Variants in MAPKAPK5 observed in about 807,000 individuals in gnomAD.
The protein encoded by MAPKAPK5 is MAPK activated protein kinase 5, also known as MAP kinase-activated protein kinase 5.
A neutral mutation model predicts 65.1 loss-of-function variants in MAPKAPK5; 30 were observed. That is an observed-to-expected ratio of 0.46 (90% confidence interval 0.34 to 0.63). The LOEUF is 0.63. Ranked by LOEUF, MAPKAPK5 falls within the 20% of genes least tolerant of loss-of-function variation. MAPKAPK5 has a pLI of 0.01. For missense variants in MAPKAPK5, 433 were observed against 581.4 expected, an observed-to-expected ratio of 0.74 and a Z score of 2.63; for synonymous variants, 179 against 204.6, an observed-to-expected ratio of 0.87 and a Z score of 1.07.
intron 1 of MAPKAPK5, among the ~76,000 whole-genome samples, chr12:111,855,708 T>G (rs2069211380): frequency 6.6e-6 from 1 of 151,746 alleles, no homozygotes; most frequent in African/African-American, 2.4e-5. Flanking sequence ...GCACCTGTAG[T>G]CCCAGCTACT....
chr12:111,885,919 C>G lies in MAPKAPK5; in HGVS notation c.852C>G (p.Leu284=). 6.2e-7 allele frequency: 1 copy of G among 1,613,868 alleles called. No individual in the cohort carries two copies. Among genetic ancestry groups the G allele is most frequent in the Non-Finnish European group, 8.5e-7 (1 of 1,179,866 alleles). ...SEMAKDVVRK[L]LKVKPEERLT... is the part of the protein sequence containing the mutation. ...CCTGTTGGCGTTTTCTCCACAGGCT[C>G]CTGAAGGTCAAACCGGAGGAGAGAC... Residue 284 remains leucine, a synonymous_variant, in exon 10 of 14, where the codon CTC becomes CTG. Coordinates refer to ENST00000550735, the MANE Select transcript of MAPKAPK5 (RefSeq NM_003668.4).
chr12:111,850,825 C>T (rs1005032258), intron 1 of MAPKAPK5, among the ~76,000 whole-genome samples: 8 of 151,534 alleles, frequency 5.3e-5, no homozygotes, highest in African/African-American at 1.7e-4. Flanking sequence ...TCTGAGCCTT[C>T]AAGGGAGAAG....
intron 13 of MAPKAPK5, among the ~76,000 whole-genome samples, chr12:111,890,722 A>G (rs1200361417): frequency 6.6e-6 from 1 of 152,230 alleles, no homozygotes; most frequent in Admixed American, 6.5e-5. Flanking sequence ...CAGTGGCGCA[A>G]TCTTTGCTCA....
At chr12:111,854,794 C>T (rs2069183967) in intron 1 of MAPKAPK5, among the ~76,000 whole-genome samples, 1 of 152,136 alleles carries the variant, frequency 6.6e-6, no homozygotes, top group Non-Finnish European at 1.5e-5. Context: ...TGCTGAACAT[C>T]CTAAAAGGCC....
rs1279357345 is a variant in MAPKAPK5, at chr12:111,894,981, C to T, written c.*1920C>T. ...CCACTGTGCTGAGTAATTCCTCCAC[C>T]CTGAATCTTCAGGGTGACATTTGGT... On this transcript the variant is annotated 3_prime_UTR_variant, in exon 14 of 14. Coordinates refer to ENST00000550735, the MANE Select transcript of MAPKAPK5 (RefSeq NM_003668.4). The T allele has an allele frequency of 6.6e-6, 1 of 151,970 alleles. No homozygotes were observed. Among genetic ancestry groups the T allele is most frequent in the East Asian group, 1.9e-4 (1 of 5,194 alleles). The allele number at this position is 151,970 out of a possible 1,614,324, so 9.4% of individuals were successfully genotyped here.
chr12:111,901,485 A>T lies in MAPKAPK5; in HGVS notation c.*8424A>T, dbSNP rs1258251778. The T allele has an allele frequency of 1.4e-5, 6 of 439,080 alleles. No homozygotes were observed. Among genetic ancestry groups the T allele is most frequent in the Admixed American group, 1.3e-4 (5 of 39,508 alleles). The allele number at this position is 439,080 out of a possible 1,614,324, so 27.2% of individuals were successfully genotyped here. A position where few individuals can be genotyped will look rare whatever the true frequency, so the allele number is the denominator to read the frequency against. On this transcript the variant is annotated 3_prime_UTR_variant, in exon 14 of 14. Transcript: ENST00000550735. ...AGACATGATGATATTATCATTCATT[A>T]TACTTTTTATAATATTATTATTAAG...
intron 7 of MAPKAPK5, among the ~76,000 whole-genome samples, chr12:111,876,161 T>G (rs190833130): frequency 7.1e-6 from 1 of 140,388 alleles, no homozygotes; most frequent in African/African-American, 2.7e-5. Flanking sequence ...GAACAAAGAT[T>G]GAGCCATTGC....
chr12:111,879,383 G>A (rs1593170685), intron 7 of MAPKAPK5: 1 of 145,738 alleles, frequency 6.9e-6, no homozygotes, highest in South Asian at 2.2e-4. Context: ...AGACTTTAGA[G>A]TAGGTTTTTT....
intron 10 of MAPKAPK5, chr12:111,888,165 T>A: frequency 3.8e-6 from 1 of 261,236 alleles, no homozygotes; most frequent in South Asian, 4.8e-5. Flanking sequence ...GCCTTTCCGC[T>A]GATGTCCATA....
rs572047796 is a variant in MAPKAPK5, at chr12:111,857,985, A to G, written c.37-7265A>G. ...ATGATCTCAGCTTACTGCAACCTCA[A>G]TCTCCTGGGCTCAAGCAACCCTCCT... On this transcript the variant is annotated intron_variant, in intron 1 of 13. Transcript: ENST00000550735. Among the ~76,000 whole-genome samples, 5 of 151,920 alleles carry G rather than the reference A, an allele frequency of 3.3e-5. No homozygotes were observed. The South Asian group carries it at 6.2e-4, about 19-fold the overall frequency.
intron 1 of MAPKAPK5, among the ~76,000 whole-genome samples, chr12:111,850,419 C>G (rs559968707): frequency 6.6e-6 from 1 of 151,938 alleles, no homozygotes; most frequent in Non-Finnish European, 1.5e-5. Flanking sequence ...TAATATTTTT[C>G]GAGAAAAAGT....
In MAPKAPK5 at chr12:111,871,087, T is replaced by C. The variant is rs376647661; in HGVS notation, c.486T>C (p.Asp162=). 3.8e-5 allele frequency: 62 copies of C among 1,612,192 alleles called. No homozygotes were observed. In the Middle Eastern group the frequency reaches 9.9e-4, roughly 26 times the overall value. The change falls in exon 7 of 14, where the codon GAT becomes GAC. Residue 162 remains aspartate, a splice_region_variant and synonymous_variant. Transcript: ENST00000550735. ...ENLLFKDNSL[D]APVKLCDFGF... ...ACTCCTTTTTTTTTTAATTTCAGGA[T>C]GCCCCAGTGAAGTTGTGTGACTTTG...
At chr12:111,845,560 A>C (rs1390488937) in intron 1 of MAPKAPK5, among the ~76,000 whole-genome samples, 1 of 151,866 alleles carries the variant, frequency 6.6e-6, no homozygotes, top group Admixed American at 6.6e-5. Context: ...CCCAGCTTAT[A>C]GGGTTTTTTG....
chr12:111,878,542 C>T (rs1270283120), intron 7 of MAPKAPK5, among the ~76,000 whole-genome samples: 3 of 151,998 alleles, frequency 2.0e-5, no homozygotes, highest in Non-Finnish European at 2.9e-5. Flanking sequence ...GCCTCAGCCT[C>T]CCGAGTAGCA....
At chr12:111,877,643 T>C (rs1022633743) in intron 7 of MAPKAPK5, among the ~76,000 whole-genome samples, 1 of 152,218 alleles carries the variant, frequency 6.6e-6, no homozygotes, top group African/African-American at 2.4e-5. Context: ...TTCTTATTAC[T>C]GAATTTGAGA....
At chr12:111,852,850 G>A (rs1434547160) in intron 1 of MAPKAPK5, among the ~76,000 whole-genome samples, 3 of 151,854 alleles carry the variant, frequency 2.0e-5, no homozygotes, top group South Asian at 4.2e-4. Flanking sequence ...CTCGGCTGAC[G>A]GCAACCTCTG....
At chr12:111,892,476 T>C (rs1257493916) in intron 13 of MAPKAPK5, among the ~76,000 whole-genome samples, 10 of 152,220 alleles carry the variant, frequency 6.6e-5, no homozygotes, top group Non-Finnish European at 1.3e-4. Flanking sequence ...TTCGTTATCC[T>C]GGTTAGTTTG....
chr12:111,888,299 C>T (rs1003008319), intron 10 of MAPKAPK5, 189 bp from the exon 11 acceptor site: 3 of 651,790 alleles, frequency 4.6e-6, no homozygotes, highest in African/African-American at 1.8e-5. Flanking sequence ...TTTGGTTGGC[C>T]TGGTGTTTCC....
In MAPKAPK5 at chr12:111,864,033, C is replaced by T. The variant is rs183674507; in HGVS notation, c.37-1217C>T. 2.5e-3 allele frequency among the ~76,000 whole-genome samples: 387 copies of T among 152,220 alleles called. 4 individuals carry two copies. Among genetic ancestry groups the T allele is most frequent in the African/African-American group, 8.8e-3 (365 of 41,540 alleles). ...CCTGTAACCCCAGCTATTTGGGAGGCTGAGGCAGGAGGATTGCTTGAAGTC... is the reference window on the plus strand; with the variant it reads ...CCTGTAACCCCAGCTATTTGGGAGGTTGAGGCAGGAGGATTGCTTGAAGTC... On this transcript the variant is annotated intron_variant, in intron 1 of 13. Coordinates refer to ENST00000550735, the MANE Select transcript of MAPKAPK5 (RefSeq NM_003668.4).
Sources: allele counts gnomAD v4.1 joint callset (sites outside exome capture counted in the v4.1 genomes callset), GRCh38; gene constraint gnomAD v4.1.1; transcripts MANE v1.5; gene names NCBI Gene and HGNC (gene_info 2026-07-23, HGNC 2026-07-21).